The following PXDC1 variants were observed in gnomAD, a reference collection of about 807,000 sequenced individuals.
PXDC1 encodes the protein PX domain-containing protein 1.
PXDC1 carries 13 observed loss-of-function variants against 24.4 expected under a neutral mutation model. That is an observed-to-expected ratio of 0.53 (90% CI 0.35 to 0.85). The LOEUF (loss-of-function observed/expected upper bound fraction) is 0.85, where lower values mean the gene tolerates loss of function less well. PXDC1 is among the 40% of genes least tolerant of loss of function. The pLI is 0.01. For synonymous variants in PXDC1, 162 were observed against 124.9 expected (o/e 1.30, Z -1.98); for missense variants, 344 against 309.3 (o/e 1.11, Z -0.84).
intron 1 of PXDC1, among the ~76,000 whole-genome samples, chr6:3,750,588 G>A (rs546431009): frequency 1.8e-4 from 28 of 152,218 alleles, no homozygotes; most frequent in African/African-American, 6.3e-4. Context: ...AAGCCACCGC[G>A]GTTTCTGAAA....
chr6:3,738,031 C>T, intron 2 of PXDC1, 26 bp downstream of exon 2: 2 of 1,579,834 alleles, frequency 1.3e-6, no homozygotes, highest in South Asian at 1.1e-5. Context: ...ACCTCCCTGC[C>T]CAGCCCGGGG....
At chr6:3,748,928 G>C (rs1760634363) in intron 1 of PXDC1, among the ~76,000 whole-genome samples, 1 of 152,184 alleles carries the variant, frequency 6.6e-6, no homozygotes, top group Non-Finnish European at 1.5e-5. Context: ...TTTATAGTTT[G>C]TATATCCAGA....
At chr6:3,739,205 A>G in intron 1 of PXDC1, 1 of 1,006,496 alleles carries the variant, frequency 9.9e-7, no homozygotes, top group East Asian at 6.7e-5. Context: ...TCCTGACTGA[A>G]ATTAAGAGGT....
In PXDC1 at chr6:3,728,795, C is replaced by A. The variant is rs577078301; in HGVS notation, c.467-1133G>T. Among the ~76,000 whole-genome samples the A allele has an allele frequency of 6.6e-6, 1 of 152,190 alleles. No individual in the cohort carries two copies. Among genetic ancestry groups the A allele is most frequent in the Non-Finnish European group, 1.5e-5 (1 of 68,032 alleles). ...GCGTTCGTTTGTATTTTCTGAGGGA[C>A]CGCGTTTCCGTCCCCTCGCTCAGCA... On this transcript the variant is annotated intron_variant, in intron 3 of 4. Transcript: ENST00000380283. This position sits in a 1 kb window ranked among gnomAD's most constrained non-coding sequence, Gnocchi z 4.0.
chr6:3,742,833 T>C (rs1449433462), intron 1 of PXDC1, among the ~76,000 whole-genome samples: 2 of 152,326 alleles, frequency 1.3e-5, no homozygotes, highest in East Asian at 3.9e-4. Flanking sequence ...GACACACATT[T>C]GGGGACTGAG....
chr6:3,723,609 A>G lies in PXDC1; in HGVS notation c.*10T>C. 1 of 1,599,550 alleles carries G rather than the reference A, an allele frequency of 6.3e-7. No homozygotes were observed. ...GAACAGCTGAGGCGGGGGAGGCCTG[A>G]TAGAGAGGTTCAGTCCCAAATGTCT... On this transcript the variant is annotated 3_prime_UTR_variant, in exon 5 of 5. Transcript: ENST00000380283.
chr6:3,741,784 G>A (rs762309640), intron 1 of PXDC1, among the ~76,000 whole-genome samples: 15 of 152,334 alleles, frequency 9.8e-5, no homozygotes, highest in Non-Finnish European at 1.9e-4. Flanking sequence ...AAGTGACACT[G>A]GCAAGAGACT....
In PXDC1 at chr6:3,737,599, C is replaced by T. The variant is rs763474434; in HGVS notation, c.349-403G>A. ...CCAGGTTCTTAACCACCACTCACGA[C>T]GAAGCCCGCAGGCTTACATGGAAAG... On this transcript the variant is annotated intron_variant, in intron 2 of 4. Transcript: ENST00000380283. This position sits in a 1 kb window ranked among gnomAD's most constrained non-coding sequence, Gnocchi z 5.5. 8.9e-5 allele frequency: 85 copies of T among 959,608 alleles called. No individual in the cohort carries two copies. Among genetic ancestry groups the T allele is most frequent in the East Asian group, 3.5e-4 (3 of 8,688 alleles). 59.4% of individuals were successfully genotyped at this position (959,608 alleles called of 1,614,324 possible). A position where few individuals can be genotyped will look rare whatever the true frequency, so the allele number is the denominator to read the frequency against.
rs1276298812 is a variant in PXDC1 at position 3,725,682 on chromosome 6, C to T, written c.578+1869G>A. 6.6e-6 allele frequency among the ~76,000 whole-genome samples: 1 copy of T among 152,186 alleles called. No homozygotes were observed. The highest frequency in any genetic ancestry group is 2.4e-5 in the African/African-American group (1 of 41,446). On this transcript the variant is annotated intron_variant, in intron 4 of 4. Transcript: ENST00000380283. This position sits in a 1 kb window ranked among gnomAD's most constrained non-coding sequence, Gnocchi z 4.8. ...TCCAGTTCCACAAAGGGTGTCTGTG[C>T]TCTTGGTCGCTGTCAACCCCCCACC... is the stretch of plus-strand genomic sequence containing the variant.
chr6:3,745,810 C>T (rs184710940), intron 1 of PXDC1, among the ~76,000 whole-genome samples: 137 of 152,338 alleles, frequency 9.0e-4, no homozygotes, highest in Middle Eastern at 3.4e-3. Flanking sequence ...CTCTTCCCTC[C>T]CCCTCTGCAC....
intron 3 of PXDC1, among the ~76,000 whole-genome samples, chr6:3,735,541 A>G (rs1760297818): frequency 6.6e-6 from 1 of 152,186 alleles, no homozygotes; most frequent in Non-Finnish European, 1.5e-5. Context: ...TCTCACCCAT[A>G]TTTGGAACCT....
In PXDC1 at chr6:3,723,659, T is replaced by C; in HGVS notation, c.656A>G (p.Tyr219Cys). ...DPAAYVTNLS[Y>C]YHLVPFETDI... is the part of the protein sequence containing the mutation. ...TGTCTCGAAGGGGACCAGGTGGTAA[T>C]ATGACAGGTTGGTGACGTAGGCTGC... The change falls in exon 5 of 5, where the codon TAT becomes TGT. Residue 219 changes from tyrosine (Y) to cysteine (C), a missense_variant. By Grantham distance (194) the Tyr-to-Cys change is radical. Coordinates refer to ENST00000380283, the MANE Select transcript of PXDC1 (RefSeq NM_183373.4). 1 of 1,614,126 alleles carries C rather than the reference T, an allele frequency of 6.2e-7. No homozygotes were observed. The highest frequency in any genetic ancestry group is 8.5e-7 in the Non-Finnish European group (1 of 1,180,004).
chr6:3,738,250 C>T (rs1760373743), intron 1 of PXDC1, 102 bp from the exon 2 acceptor site: 3 of 851,864 alleles, frequency 3.5e-6, no homozygotes, highest in Non-Finnish European at 5.9e-6. Flanking sequence ...GGGTCGTCAT[C>T]TGTAATGAGA....
chr6:3,739,633 C>T (rs754106743), intron 1 of PXDC1, among the ~76,000 whole-genome samples: 1 of 152,224 alleles, frequency 6.6e-6, no homozygotes, highest in Admixed American at 6.5e-5. Flanking sequence ...AGGGGCTGGA[C>T]GACCCTCTGC....
At chr6:3,733,568 G>A (rs1760249714) in intron 3 of PXDC1, among the ~76,000 whole-genome samples, 1 of 152,058 alleles carries the variant, frequency 6.6e-6, no homozygotes, top group Non-Finnish European at 1.5e-5. Flanking sequence ...AAGAAAACCA[G>A]ACTCGGTGAC....
intron 4 of PXDC1, 117 bp from the exon 5 acceptor site, chr6:3,723,853 C>T (rs763485335): frequency 4.3e-5 from 33 of 760,078 alleles, no homozygotes; most frequent in Middle Eastern, 4.8e-4. Context: ...AAAAAAACCA[C>T]GGCTACAAAT....
intron 1 of PXDC1, among the ~76,000 whole-genome samples, chr6:3,747,217 C>G (rs1760590612): frequency 6.6e-6 from 1 of 152,072 alleles, no homozygotes; most frequent in Non-Finnish European, 1.5e-5. Flanking sequence ...GCTGAAAACT[C>G]TGGGGTCATC....
intron 1 of PXDC1, among the ~76,000 whole-genome samples, chr6:3,749,611 T>C (rs1760653888): frequency 6.6e-6 from 1 of 151,744 alleles, no homozygotes; most frequent in African/African-American, 2.4e-5. Flanking sequence ...AACCACGCCC[T>C]CTTTCCACCG....
chr6:3,742,785 G>A (rs541218886), intron 1 of PXDC1, among the ~76,000 whole-genome samples: 8 of 152,278 alleles, frequency 5.3e-5, no homozygotes, highest in Admixed American at 5.2e-4. Flanking sequence ...CCAAAAAATT[G>A]GTAACACAAT....
Sources: allele counts gnomAD v4.1 joint callset (sites outside exome capture counted in the v4.1 genomes callset), GRCh38; gene constraint gnomAD v4.1.1; non-coding constraint Gnocchi (gnomAD v3.1); transcripts MANE v1.5; gene names NCBI Gene and HGNC (gene_info 2026-07-23, HGNC 2026-07-21).